Variants in RPS6KA3 observed in about 807,000 individuals in gnomAD.
RPS6KA3 encodes ribosomal protein S6 kinase alpha-3.
RPS6KA3 carries 4 observed loss-of-function variants against 67.2 expected under a neutral mutation model. The observed-to-expected ratio is 0.06, with a 90% CI of 0.03 to 0.14. RPS6KA3 has a LOEUF of 0.14. Ranked by LOEUF, RPS6KA3 falls within the 10% of genes least tolerant of loss-of-function variation. The pLI is 1.00. For missense variants in RPS6KA3, 204 were observed against 559.0 expected, an observed-to-expected ratio of 0.36 and a Z score of 6.40; for synonymous variants, 182 against 183.7, an observed-to-expected ratio of 0.99 and a Z score of 0.07.
chrX:20,267,015 C>T, upstream of RPS6KA3: 4 of 754,203 alleles, frequency 5.3e-6, no homozygotes, highest in Non-Finnish European at 6.3e-6. Context: ...CACTTCCGCT[C>T]ACAACATGGC....
At chrX:20,265,125 C>T (rs2070338449) in intron 1 of RPS6KA3, among the ~76,000 whole-genome samples, 2 of 111,586 alleles carry the variant, frequency 1.8e-5, no homozygotes, top group South Asian at 7.4e-4. Context: ...TGAAGAGCAG[C>T]ATTTAGTTCA....
intron 2 of RPS6KA3, among the ~76,000 whole-genome samples, chrX:20,212,716 G>A (rs1387914418): frequency 9.1e-6 from 1 of 110,274 alleles, no homozygotes; most frequent in Admixed American, 9.7e-5. Context: ...TCCAGCCTGG[G>A]CAGCAGAGCA....
At chrX:20,215,128 T>A (rs1046530224) in intron 2 of RPS6KA3, among the ~76,000 whole-genome samples, 1 of 111,771 alleles carries the variant, frequency 8.9e-6, no homozygotes, top group Non-Finnish European at 1.9e-5. Context: ...TCTAAGAGAC[T>A]TTCTTGACTT....
At chrX:20,172,312 C>T (rs186939910) in intron 15 of RPS6KA3, among the ~76,000 whole-genome samples, 47 of 111,855 alleles carry the variant, frequency 4.2e-4, no homozygotes, top group Non-Finnish European at 6.6e-4. Context: ...CCAATGATAA[C>T]GAATTTTATG....
At chrX:20,172,444 C>T (rs1315983959) in intron 15 of RPS6KA3, among the ~76,000 whole-genome samples, 1 of 111,325 alleles carries the variant, frequency 9.0e-6, no homozygotes, top group Admixed American at 9.6e-5. Flanking sequence ...TTTGCTGACA[C>T]CCTGAGCATA....
At chrX:20,201,184 G>A (rs1254503729) in intron 4 of RPS6KA3, among the ~76,000 whole-genome samples, 1 of 110,974 alleles carries the variant, frequency 9.0e-6, no homozygotes, top group East Asian at 2.8e-4. Flanking sequence ...CACCCAGGCT[G>A]GAGTACAGTG....
intron 20 of RPS6KA3, among the ~76,000 whole-genome samples, chrX:20,161,375 T>C (rs986408428): frequency 4.5e-5 from 5 of 111,770 alleles, no homozygotes; most frequent in Non-Finnish European, 7.5e-5. Context: ...AGGCACACAA[T>C]AGACAGACAA....
chrX:20,213,127 C>T (rs1177202173), intron 2 of RPS6KA3, among the ~76,000 whole-genome samples: 1 of 112,069 alleles, frequency 8.9e-6, no homozygotes, highest in Non-Finnish European at 1.9e-5. Context: ...TATCTCCCAA[C>T]ATTCTCTTAC....
At chrX:20,222,804 G>T (rs938085919) in intron 2 of RPS6KA3, among the ~76,000 whole-genome samples, 1 of 111,674 alleles carries the variant, frequency 9.0e-6, no homozygotes, top group Admixed American at 9.5e-5. Context: ...ACTAATTTAT[G>T]CCCCTACCTC....
chrX:20,215,256 C>T (rs1033791377), intron 2 of RPS6KA3, among the ~76,000 whole-genome samples: 7 of 110,338 alleles, frequency 6.3e-5, no homozygotes, highest in African/African-American at 2.3e-4. Context: ...AAAGCATCTT[C>T]CTCCACTCCC....
chrX:20,240,468 A>G (rs2147011421), intron 1 of RPS6KA3: 1 of 265,096 alleles, frequency 3.8e-6, no homozygotes, highest in Admixed American at 9.7e-5. Context: ...TTAAGATACC[A>G]CCAAATTGTT....
chrX:20,233,984 T>C (rs1184277293), intron 2 of RPS6KA3, among the ~76,000 whole-genome samples: 2 of 112,344 alleles, frequency 1.8e-5, no homozygotes, highest in Non-Finnish European at 3.8e-5. Flanking sequence ...TTCATTTATG[T>C]AATATTTAAT....
intron 7 of RPS6KA3, 116 bp downstream of exon 7, chrX:20,193,371 T>C: frequency 4.2e-6 from 2 of 477,527 alleles, no homozygotes; most frequent in Admixed American, 3.2e-5. Context: ...AGCAGAGATG[T>C]GAAGCACAGG....
intron 2 of RPS6KA3, among the ~76,000 whole-genome samples, chrX:20,228,314 T>C (rs953782566): frequency 1.8e-5 from 2 of 112,017 alleles, no homozygotes; most frequent in Non-Finnish European, 3.8e-5. Flanking sequence ...GGCTTTCTTA[T>C]AGGTTAACTA....
Position 20,164,251 on chromosome X carries a change from G to T in RPS6KA3, c.1764+648C>A, listed in dbSNP as rs1320204657. 1.4e-4 allele frequency among the ~76,000 whole-genome samples: 16 copies of T among 111,412 alleles called. No individual in the cohort carries two copies. In the Admixed American group the frequency reaches 1.5e-3, roughly 11 times the overall value. On this transcript the variant is annotated intron_variant, in intron 18 of 21. Coordinates refer to ENST00000379565, the MANE Select transcript of RPS6KA3 (RefSeq NM_004586.3). ...ACATGGGGAGAGAAGGAAGGCTAGA[G>T]GGTGGCCTGCTTATATTGGACCTAT... is the stretch of plus-strand genomic sequence containing the variant.
chrX:20,170,640 C>T (rs2067549132), intron 15 of RPS6KA3, among the ~76,000 whole-genome samples: 1 of 110,930 alleles, frequency 9.0e-6, no homozygotes, highest in African/African-American at 3.3e-5. Flanking sequence ...GAGACAGGGT[C>T]TTGCTCTGTT....
At chrX:20,250,894 C>T (rs1314056728) in intron 1 of RPS6KA3, among the ~76,000 whole-genome samples, 2 of 112,026 alleles carry the variant, frequency 1.8e-5, no homozygotes. Context: ...AAACTGTTCT[C>T]TATTTTCTGG....
At chrX:20,161,164 A>T (rs1027838002) in intron 20 of RPS6KA3, among the ~76,000 whole-genome samples, 1 of 111,923 alleles carries the variant, frequency 8.9e-6, no homozygotes, top group Non-Finnish European at 1.9e-5. Context: ...TAAAAATAGA[A>T]CATGGTATAA....
intron 17 of RPS6KA3, among the ~76,000 whole-genome samples, chrX:20,165,563 T>C (rs2067413482): frequency 9.0e-6 from 1 of 111,089 alleles, no homozygotes; most frequent in South Asian, 3.8e-4. Context: ...TTAGGTAACA[T>C]CTGATCCAAT....
Sources: allele counts gnomAD v4.1 joint callset (sites outside exome capture counted in the v4.1 genomes callset), GRCh38; gene constraint gnomAD v4.1.1; transcripts MANE v1.5; gene names NCBI Gene and HGNC (gene_info 2026-07-23, HGNC 2026-07-21).